Variants in CDH12 observed in about 807,000 individuals in gnomAD.
CDH12 encodes the protein cadherin-12.
CDH12 carries 41 observed loss-of-function variants against 74.1 expected under a neutral mutation model. That is an observed-to-expected ratio of 0.55 (90% CI 0.43 to 0.72). The LOEUF (loss-of-function observed/expected upper bound fraction) is 0.72, where lower values mean the gene tolerates loss of function less well. Ranked by LOEUF, CDH12 falls within the 30% of genes least tolerant of loss-of-function variation. CDH12 has a pLI of 0.00. For missense variants in CDH12, 945 were observed against 977.2 expected (o/e 0.97, Z 0.44); for synonymous variants, 399 against 355.0 (o/e 1.12, Z -1.39).
At chr5:22,596,089 C>T (rs6886316) in intron 1 of CDH12, among the ~76,000 whole-genome samples, 20,335 of 149,912 alleles carry the variant, frequency 0.14, 1,496 homozygotes, top group South Asian at 0.21. Flanking sequence ...GCCTGGGCGA[C>T]AGAGCGTGAC....
intron 2 of CDH12, among the ~76,000 whole-genome samples, chr5:22,490,792 A>G (rs959700064): frequency 4.6e-5 from 7 of 152,176 alleles, no homozygotes; most frequent in Non-Finnish European, 1.0e-4. Flanking sequence ...AAATGTAGGG[A>G]GAACTAACAC....
At chr5:21,914,838 T>C (rs1295359991) in intron 6 of CDH12, among the ~76,000 whole-genome samples, 1 of 152,216 alleles carries the variant, frequency 6.6e-6, no homozygotes, top group African/African-American at 2.4e-5. Context: ...CTTAGCAAAG[T>C]TCTGACATGA....
At chr5:22,292,316 T>C (rs1737422707) in intron 3 of CDH12, among the ~76,000 whole-genome samples, 1 of 149,092 alleles carries the variant, frequency 6.7e-6, no homozygotes, top group African/African-American at 2.5e-5. Flanking sequence ...TTTTTGGTTG[T>C]TGCTTTTTGG....
At chr5:22,345,571 T>C (rs1740075232) in intron 3 of CDH12, among the ~76,000 whole-genome samples, 1 of 152,216 alleles carries the variant, frequency 6.6e-6, no homozygotes, top group Non-Finnish European at 1.5e-5. Context: ...CCTATTAGTT[T>C]GGTGCAAAAG....
At chr5:22,503,010 G>T (rs1580713280) in intron 2 of CDH12, among the ~76,000 whole-genome samples, 1 of 151,784 alleles carries the variant, frequency 6.6e-6, no homozygotes, top group African/African-American at 2.4e-5. Flanking sequence ...TCCTTTGGCT[G>T]CATTTTTCCT....
At chr5:22,793,244 A>T (rs182706188) in intron 1 of CDH12, among the ~76,000 whole-genome samples, 1 of 152,346 alleles carries the variant, frequency 6.6e-6, no homozygotes, top group Admixed American at 6.5e-5. Flanking sequence ...ATTTGGGGTC[A>T]AAACCTTACA....
intron 10 of CDH12, 135 bp downstream of exon 10, chr5:21,802,032 T>C: frequency 1.3e-6 from 1 of 744,630 alleles, no homozygotes; most frequent in Non-Finnish European, 2.1e-6. Flanking sequence ...TTATGTAAAG[T>C]CATTATGTTT....
intron 5 of CDH12, among the ~76,000 whole-genome samples, chr5:22,028,792 C>T (rs982777447): frequency 6.6e-6 from 1 of 152,076 alleles, no homozygotes; most frequent in Non-Finnish European, 1.5e-5. Flanking sequence ...AAAAAAGAGC[C>T]CGCATCATCA....
At chr5:22,687,444 G>A (rs750778886) in intron 1 of CDH12, among the ~76,000 whole-genome samples, 2 of 152,056 alleles carry the variant, frequency 1.3e-5, no homozygotes, top group East Asian at 1.9e-4. Flanking sequence ...GTCTCACTCT[G>A]TTGCCCAGAC....
Position 21,751,752 on chromosome 5 carries a change from AGGGTTAT to A in CDH12, c.2363_2369del (p.Tyr788LeufsTer55). On this transcript the variant is annotated frameshift_variant, in exon 15 of 15. Coordinates refer to ENST00000382254, the MANE Select transcript of CDH12 (RefSeq NM_004061.5). LOFTEE classifies it high-confidence loss of function. ...CACGACTCCCTTAAGTGACTTTATC[AGGGTTAT>A]AACTCTCTTCTTCGCCAAACATGTC... 1 of 1,611,590 alleles carries A rather than the reference AGGGTTAT, an allele frequency of 6.2e-7. No homozygotes were observed. Among genetic ancestry groups the A allele is most frequent in the Non-Finnish European group, 8.5e-7 (1 of 1,178,804 alleles).
At chr5:22,429,630 T>G (rs1240420437) in intron 2 of CDH12, among the ~76,000 whole-genome samples, 2 of 152,226 alleles carry the variant, frequency 1.3e-5, no homozygotes, top group Non-Finnish European at 2.9e-5. Flanking sequence ...GTATTATCAC[T>G]TAATAAACCC....
chr5:21,871,139 A>G (rs1179266246), intron 6 of CDH12, among the ~76,000 whole-genome samples: 2 of 152,122 alleles, frequency 1.3e-5, no homozygotes, highest in African/African-American at 4.8e-5. Context: ...TCTGAAGATG[A>G]GTCTGGAATA....
chr5:21,859,717 G>C (rs1182633511), intron 6 of CDH12, among the ~76,000 whole-genome samples: 2 of 151,990 alleles, frequency 1.3e-5, no homozygotes, highest in African/African-American at 4.8e-5. Context: ...CATTAAACTG[G>C]AAGTTAAGAT....
chr5:22,389,733 C>T (rs149633406), intron 3 of CDH12, among the ~76,000 whole-genome samples: 5,624 of 150,714 alleles, frequency 0.037, 365 homozygotes, highest in African/African-American at 0.13. Flanking sequence ...CTGCAAGCTC[C>T]GCCTCCCGGG....
At chr5:22,513,095 C>T (rs1367486006) in intron 1 of CDH12, among the ~76,000 whole-genome samples, 1 of 151,938 alleles carries the variant, frequency 6.6e-6, no homozygotes, top group East Asian at 1.9e-4. Context: ...TAAAAAACAC[C>T]ATGTTATAAA....
chr5:22,622,600 C>A (rs147189194), intron 1 of CDH12, among the ~76,000 whole-genome samples: 10,058 of 152,202 alleles, frequency 0.066, 432 homozygotes, highest in East Asian at 0.24. Flanking sequence ...TGGACACATA[C>A]ACCCTCCCAA....
chr5:22,672,211 C>T (rs1740942857), intron 1 of CDH12, among the ~76,000 whole-genome samples: 2 of 146,182 alleles, frequency 1.4e-5, no homozygotes, highest in South Asian at 4.4e-4. Context: ...TGTCTCCCAA[C>T]AAACAAAGCT....
At chr5:22,194,302 T>C (rs950328164) in intron 4 of CDH12, among the ~76,000 whole-genome samples, 1 of 88,376 alleles carries the variant, frequency 1.1e-5, no homozygotes, top group Non-Finnish European at 2.7e-5. Context: ...ACTTTTCTTT[T>C]TCTTTCTTTT....
At chr5:21,862,921 T>C (rs6452009) in intron 6 of CDH12, among the ~76,000 whole-genome samples, 31,697 of 152,050 alleles carry the variant, frequency 0.21, 4,349 homozygotes, top group African/African-American at 0.39. Context: ...ATGAATCCTG[T>C]CTGCCTTCTC....
Sources: gnomAD v4.1 joint callset for allele counts (sites outside exome capture counted in the v4.1 genomes callset) on GRCh38, gnomAD v4.1.1 for gene constraint, MANE v1.5 for transcripts, NCBI Gene and HGNC (gene_info 2026-07-23, HGNC 2026-07-21) for gene names.